EIF2B3: variants seen among roughly 807,000 people sequenced by gnomAD.
EIF2B3 encodes the protein eukaryotic translation initiation factor 2B subunit gamma.
In EIF2B3, 20 loss-of-function variants were observed where a neutral mutation model predicts 54.1. The ratio of observed to expected loss-of-function variants is 0.37; its 90% CI spans 0.26 to 0.54. EIF2B3 has a LOEUF of 0.54. Among genes scored for constraint, EIF2B3 ranks in the 20% least tolerant of loss-of-function variants. The pLI is 0.86. For missense variants in EIF2B3, 448 were observed against 547.8 expected (o/e 0.82, Z 1.82); for synonymous variants, 153 against 188.1 (o/e 0.81, Z 1.52).
chr1:44,880,049 A>C, intron 7 of EIF2B3, 41 bp from the exon 8 acceptor site: 2 of 1,600,764 alleles, frequency 1.2e-6, no homozygotes, highest in Non-Finnish European at 1.7e-6. Flanking sequence ...AATGAGAGAG[A>C]GATAACAGAA....
Position 44,890,960 on chromosome 1 carries a change from C to T in EIF2B3, c.656+6395G>A, listed in dbSNP as rs183467286. On this transcript the variant is annotated intron_variant, in intron 6 of 11. Transcript: ENST00000360403. ...GACTTTCAACTTCTCTTCATCTTTACTGCCACTGCCTGGTCCAGACTACTG... is the reference window on the plus strand; with the variant it reads ...GACTTTCAACTTCTCTTCATCTTTATTGCCACTGCCTGGTCCAGACTACTG... 2.3e-3 allele frequency among the ~76,000 whole-genome samples: 351 copies of T among 152,312 alleles called. 1 individual carries two copies. Among genetic ancestry groups the T allele is most frequent in the African/African-American group, 5.1e-3 (214 of 41,562 alleles).
intron 8 of EIF2B3, among the ~76,000 whole-genome samples, chr1:44,877,189 C>CAAAA (rs1655196149): frequency 3.4e-5 from 1 of 29,496 alleles, no homozygotes; most frequent in Non-Finnish European, 6.2e-5. Context: ...CAAGAATGAT[C>CAAAA]AATAAAAAAA....
At chr1:44,956,031 T>C (rs1644220957) in intron 3 of EIF2B3, among the ~76,000 whole-genome samples, 1 of 152,178 alleles carries the variant, frequency 6.6e-6, no homozygotes, top group Non-Finnish European at 1.5e-5. Flanking sequence ...CCCAAAGGAT[T>C]ATAAATCATT....
At chr1:44,961,040 TAA>T (rs1207218819) in intron 3 of EIF2B3, among the ~76,000 whole-genome samples, 1 of 146,854 alleles carries the variant, frequency 6.8e-6, no homozygotes, top group African/African-American at 2.5e-5. Flanking sequence ...ATGTAGCTGT[TAA>T]AAAAAAAAAA....
chr1:44,974,248 G>A (rs979719109), intron 3 of EIF2B3, among the ~76,000 whole-genome samples: 7 of 151,576 alleles, frequency 4.6e-5, no homozygotes, highest in Non-Finnish European at 1.0e-4. Context: ...GCAAGGTTGG[G>A]GGTATCACTT....
chr1:44,905,439 A>G (rs928096015), intron 5 of EIF2B3, among the ~76,000 whole-genome samples: 3 of 152,320 alleles, frequency 2.0e-5, no homozygotes, highest in African/African-American at 7.2e-5. Context: ...TTCAGGCTCA[A>G]CACTAGACAC....
At chr1:44,911,382 T>C (rs1482712203) in intron 5 of EIF2B3, among the ~76,000 whole-genome samples, 2 of 152,324 alleles carry the variant, frequency 1.3e-5, no homozygotes, top group Admixed American at 6.5e-5. Flanking sequence ...CTTAGGAAAC[T>C]GATAGAAGAT....
Position 44,959,524 on chromosome 1 carries a change from C to G in EIF2B3, c.295-17859G>C, listed in dbSNP as rs559448866. The G allele has an allele frequency of 1.0e-4, 21 of 201,414 alleles. No homozygotes were observed. The South Asian group carries it at 1.1e-3, about 10-fold the overall frequency. The allele number at this position is 201,414 out of a possible 1,614,324, so 12.5% of individuals were successfully genotyped here. On this transcript the variant is annotated intron_variant, in intron 3 of 11. Transcript: ENST00000360403. ...TGCCACTGCACTCCAGCCTGGGCAA[C>G]AGAGTGAGACCCTATTTCTAAAAAA... is the stretch of plus-strand genomic sequence containing the variant.
intron 1 of EIF2B3, among the ~76,000 whole-genome samples, chr1:44,985,852 C>T (rs1034606990): frequency 6.6e-6 from 1 of 152,218 alleles, no homozygotes; most frequent in African/African-American, 2.4e-5. Context: ...TTGCCTGCAT[C>T]ATAGCACTCA....
chr1:44,925,655 G>A (rs770380728), intron 5 of EIF2B3, among the ~76,000 whole-genome samples: 7 of 152,284 alleles, frequency 4.6e-5, no homozygotes, highest in Non-Finnish European at 4.4e-5. Context: ...GGCTGGGCAC[G>A]GTGGCTCACT....
intron 5 of EIF2B3, among the ~76,000 whole-genome samples, chr1:44,914,102 T>C (rs1045215505): frequency 4.0e-5 from 6 of 151,232 alleles, no homozygotes; most frequent in East Asian, 1.9e-4. Context: ...AAGTGGACAT[T>C]AGTGGTGTGA....
intron 3 of EIF2B3, among the ~76,000 whole-genome samples, chr1:44,954,856 G>A (rs1487586940): frequency 6.6e-6 from 1 of 152,120 alleles, no homozygotes; most frequent in East Asian, 1.9e-4. Flanking sequence ...TATTGGCTGT[G>A]GGTTTGTCAT....
At chr1:44,930,719 C>T (rs1434275105) in intron 4 of EIF2B3, among the ~76,000 whole-genome samples, 2 of 152,226 alleles carry the variant, frequency 1.3e-5, no homozygotes, top group Non-Finnish European at 2.9e-5. Context: ...TGGCTCACTG[C>T]AACCTCCGCC....
intron 4 of EIF2B3, among the ~76,000 whole-genome samples, chr1:44,940,098 A>G (rs992876566): frequency 6.6e-6 from 1 of 152,176 alleles, no homozygotes; most frequent in African/African-American, 2.4e-5. Flanking sequence ...AACTAGAAAC[A>G]AGTTTCAATG....
chr1:44,859,119 T>G (rs1440721805), intron 10 of EIF2B3, among the ~76,000 whole-genome samples: 3 of 151,656 alleles, frequency 2.0e-5, no homozygotes, highest in Non-Finnish European at 4.4e-5. Flanking sequence ...GGCAGCATTG[T>G]GAGACTCTTT....
intron 3 of EIF2B3, among the ~76,000 whole-genome samples, chr1:44,975,308 A>T (rs920024686): frequency 3.3e-5 from 5 of 152,240 alleles, no homozygotes; most frequent in Admixed American, 2.0e-4. Flanking sequence ...GTGTTACTTA[A>T]TGACAGCGAT....
At chr1:44,926,992 G>A (rs552050299) in intron 4 of EIF2B3, among the ~76,000 whole-genome samples, 12 of 150,712 alleles carry the variant, frequency 8.0e-5, no homozygotes, top group South Asian at 4.1e-4. Flanking sequence ...AAAATTAGCC[G>A]AGTGTGGTGT....
intron 3 of EIF2B3, among the ~76,000 whole-genome samples, chr1:44,957,815 C>G (rs1644243272): frequency 6.6e-6 from 1 of 152,136 alleles, no homozygotes; most frequent in Non-Finnish European, 1.5e-5. Flanking sequence ...GCTACCATTT[C>G]TCACCAATTA....
chr1:44,856,441 G>A (rs762467974), intron 11 of EIF2B3, among the ~76,000 whole-genome samples: 4 of 151,204 alleles, frequency 2.6e-5, no homozygotes, highest in Non-Finnish European at 2.9e-5. Flanking sequence ...CCTGGATCCA[G>A]GAGGAGGAGG....
Sources: gnomAD v4.1 joint callset for allele counts (sites outside exome capture counted in the v4.1 genomes callset) on GRCh38, gnomAD v4.1.1 for gene constraint, MANE v1.5 for transcripts, NCBI Gene and HGNC (gene_info 2026-07-23, HGNC 2026-07-21) for gene names.